The following NR2C2 variants were observed in gnomAD, a reference collection of about 807,000 sequenced individuals.
NR2C2 encodes Nuclear hormone receptor TR4.
In NR2C2, 6 loss-of-function variants were observed where a neutral mutation model predicts 62.9. The observed-to-expected ratio is 0.10, with a 90% CI of 0.05 to 0.19. NR2C2 has a LOEUF of 0.19. NR2C2 is among the 10% of genes least tolerant of loss of function. The probability of loss-of-function intolerance (pLI) is 1.00; values close to 1 mark genes in which losing one functional copy is unlikely to be tolerated. For synonymous variants in NR2C2, 272 were observed against 273.8 expected (o/e 0.99, Z 0.07); for missense variants, 479 against 762.7 (o/e 0.63, Z 4.38).
At chr3:15,008,319 C>G (rs1438476669) in intron 2 of NR2C2, among the ~76,000 whole-genome samples, 1 of 150,924 alleles carries the variant, frequency 6.6e-6, no homozygotes, top group Admixed American at 6.6e-5. Context: ...CTCAGGAGTT[C>G]AAGACCAGCC....
At chr3:14,977,948 C>CAA (rs11388882) in intron 1 of NR2C2, among the ~76,000 whole-genome samples, 117 of 104,186 alleles carry the variant, frequency 1.1e-3, no homozygotes, top group South Asian at 3.3e-3. Flanking sequence ...GACTCTGCCT[C>CAA]AAAAAAAAAA....
intron 11 of NR2C2, among the ~76,000 whole-genome samples, chr3:15,037,209 T>TTG (rs373045181): frequency 0.098 from 12,758 of 130,198 alleles, 581 homozygotes; most frequent in East Asian, 0.19. Context: ...TGTTTTTTGT[T>TTG]TGTGTGTGTG....
At chr3:14,971,720 G>C (rs771829872) in intron 1 of NR2C2, among the ~76,000 whole-genome samples, 3 of 151,168 alleles carry the variant, frequency 2.0e-5, no homozygotes, top group Non-Finnish European at 4.4e-5. Context: ...GTTTTGACTT[G>C]CACTTCCCTA....
chr3:15,007,474 C>T (rs562492828), intron 2 of NR2C2, among the ~76,000 whole-genome samples: 23 of 152,256 alleles, frequency 1.5e-4, no homozygotes, highest in African/African-American at 5.1e-4. Context: ...TTCAGGGTTA[C>T]CCCAACCTGA....
intron 1 of NR2C2, among the ~76,000 whole-genome samples, chr3:14,979,328 G>A (rs2040296357): frequency 6.6e-6 from 1 of 152,182 alleles, no homozygotes; most frequent in African/African-American, 2.4e-5. Context: ...AGGTATTCCA[G>A]AAATATTTCA....
rs1421815716 is a variant in NR2C2, at chr3:15,043,597, G to T, written c.*589G>T. 6.5e-6 allele frequency: 1 copy of T among 152,702 alleles called. No individual in the cohort carries two copies. Among genetic ancestry groups the T allele is most frequent in the Non-Finnish European group, 1.5e-5 (1 of 68,056 alleles). 9.5% of individuals were successfully genotyped at this position (152,702 alleles called of 1,614,324 possible). On this transcript the variant is annotated 3_prime_UTR_variant, in exon 14 of 14. Transcript: ENST00000425241. ...AAAAGAAGGCATCATTCCTAATTGT[G>T]TGCACATGTTGTGGAGTTGAGCTGA... is the stretch of plus-strand genomic sequence containing the variant.
intron 11 of NR2C2, among the ~76,000 whole-genome samples, chr3:15,035,176 C>T (rs1227566816): frequency 6.6e-6 from 1 of 152,144 alleles, no homozygotes; most frequent in Non-Finnish European, 1.5e-5. Flanking sequence ...GCCTGTAGTC[C>T]CAGATACTCA....
Position 15,043,215 on chromosome 3 carries a change from T to C in NR2C2, c.*207T>C. 1 of 395,746 alleles carries C rather than the reference T, an allele frequency of 2.5e-6. No homozygotes were observed. Among genetic ancestry groups the C allele is most frequent in the East Asian group, 3.8e-5 (1 of 26,402 alleles). 24.5% of individuals were successfully genotyped at this position (395,746 alleles called of 1,614,324 possible). On this transcript the variant is annotated 3_prime_UTR_variant, in exon 14 of 14. Coordinates refer to ENST00000425241, the MANE Select transcript of NR2C2 (RefSeq NM_001291694.2). Reference sequence around the variant, plus strand: ...ACATAAGAAATGTTTTAATGCCTTTTGATGAAGCAGCAGATTTTGGAACAA... The same window carrying C: ...ACATAAGAAATGTTTTAATGCCTTTCGATGAAGCAGCAGATTTTGGAACAA...
chr3:15,039,507 C>T (rs2042195164), intron 13 of NR2C2, among the ~76,000 whole-genome samples: 1 of 152,176 alleles, frequency 6.6e-6, no homozygotes, highest in African/African-American at 2.4e-5. Context: ...GTGAGCGAGG[C>T]CTCAGATTGC....
At chr3:15,014,302 G>C (rs1008996846) in intron 3 of NR2C2, among the ~76,000 whole-genome samples, 9 of 152,094 alleles carry the variant, frequency 5.9e-5, no homozygotes, top group Non-Finnish European at 1.0e-4. Flanking sequence ...TGGGGTTGAG[G>C]ACAGTCCACA....
intron 8 of NR2C2, among the ~76,000 whole-genome samples, chr3:15,029,109 CTTTTTTT>C (rs200667224): frequency 2.4e-5 from 3 of 123,892 alleles, no homozygotes; most frequent in African/African-American, 7.7e-5. Context: ...TTTCTTTTTT[CTTTTTTT>C]TTTTTTTTAA....
chr3:15,003,442 A>C (rs1302568162), intron 1 of NR2C2, among the ~76,000 whole-genome samples: 3 of 152,100 alleles, frequency 2.0e-5, no homozygotes, highest in African/African-American at 7.2e-5. Context: ...TACTAATCCC[A>C]GTAGGTTTCA....
intron 1 of NR2C2, among the ~76,000 whole-genome samples, chr3:14,994,546 G>C (rs1291194791): frequency 6.8e-6 from 1 of 147,180 alleles, no homozygotes; most frequent in East Asian, 2.0e-4. Flanking sequence ...GGGTTTAAGC[G>C]ATTCTTCTGC....
intron 2 of NR2C2, among the ~76,000 whole-genome samples, chr3:15,012,703 A>G (rs1271652021): frequency 2.6e-5 from 4 of 152,212 alleles, no homozygotes; most frequent in South Asian, 4.1e-4. Context: ...GAGAGGTGGC[A>G]GTGCTGCTAG....
intron 5 of NR2C2, 56 bp from the exon 6 acceptor site, chr3:15,023,144 G>A (rs1392415760): frequency 1.9e-6 from 3 of 1,594,040 alleles, no homozygotes; most frequent in African/African-American, 1.3e-5. Flanking sequence ...TTCCCTTGTG[G>A]TTTTTATTGA....
intron 1 of NR2C2, among the ~76,000 whole-genome samples, chr3:14,961,740 G>A (rs139249760): frequency 2.2e-4 from 34 of 152,192 alleles, no homozygotes; most frequent in African/African-American, 7.5e-4. Flanking sequence ...CAATTTTTAC[G>A]AATAATGACA....
intron 1 of NR2C2, among the ~76,000 whole-genome samples, chr3:14,980,943 G>T (rs1364288297): frequency 1.3e-5 from 2 of 152,210 alleles, no homozygotes; most frequent in African/African-American, 2.4e-5. Context: ...TTTGCATTCT[G>T]TGGCTGTTAC....
intron 1 of NR2C2, among the ~76,000 whole-genome samples, chr3:14,963,918 C>T (rs1258729149): frequency 2.0e-5 from 3 of 151,960 alleles, no homozygotes; most frequent in Non-Finnish European, 2.9e-5. Context: ...TAGTTACCTA[C>T]CCCCCTCCCC....
chr3:14,977,986 CT>C (rs2040256882), intron 1 of NR2C2, among the ~76,000 whole-genome samples: 1 of 150,300 alleles, frequency 6.7e-6, no homozygotes, highest in African/African-American at 2.4e-5. Flanking sequence ...GAAGAACAGA[CT>C]TCAGCTCAGC....
Sources: allele counts gnomAD v4.1 joint callset (sites outside exome capture counted in the v4.1 genomes callset), GRCh38; gene constraint gnomAD v4.1.1; transcripts MANE v1.5; gene names NCBI Gene and HGNC (gene_info 2026-07-23, HGNC 2026-07-21).